The following KLHL7 variants were observed in gnomAD, a reference collection of about 807,000 sequenced individuals.
The protein encoded by KLHL7 is kelch-like protein 7.
Under a neutral mutation model 67.4 loss-of-function variants are expected in KLHL7, and 44 were observed. The ratio of observed to expected loss-of-function variants is 0.65; its 90% CI spans 0.51 to 0.84. The LOEUF is 0.84. Ranked by LOEUF, KLHL7 falls within the 40% of genes least tolerant of loss-of-function variation. The probability of loss-of-function intolerance (pLI) is 0.00; values close to 1 mark genes in which losing one functional copy is unlikely to be tolerated. For missense variants in KLHL7, 362 were observed against 718.1 expected, an observed-to-expected ratio of 0.50 and a Z score of 5.67; for synonymous variants, 252 against 243.3, an observed-to-expected ratio of 1.04 and a Z score of -0.33.
chr7:23,108,432 T>A lies in KLHL7; in HGVS notation c.120+2286T>A, dbSNP rs549075549. 3.3e-5 allele frequency among the ~76,000 whole-genome samples: 5 copies of A among 152,300 alleles called. No homozygotes were observed. In the East Asian group the frequency reaches 9.7e-4, roughly 29 times the overall value. ...TTTCTAAGTAAACTCTCCAGTGAAGTATGGGATACATATAAGAGGGCACAA... is the reference window on the plus strand; with the variant it reads ...TTTCTAAGTAAACTCTCCAGTGAAGAATGGGATACATATAAGAGGGCACAA... On this transcript the variant is annotated intron_variant, in intron 1 of 10. Coordinates refer to ENST00000339077, the MANE Select transcript of KLHL7 (RefSeq NM_001031710.3).
chr7:23,152,777 A>T (rs890884700), intron 7 of KLHL7, among the ~76,000 whole-genome samples: 1 of 152,116 alleles, frequency 6.6e-6, no homozygotes, highest in Non-Finnish European at 1.5e-5. Context: ...TTTTTAATAG[A>T]TCATTACTTA....
At chr7:23,147,287 G>A (rs559860204) in intron 6 of KLHL7, among the ~76,000 whole-genome samples, 6 of 151,872 alleles carry the variant, frequency 4.0e-5, no homozygotes, top group African/African-American at 9.7e-5. Context: ...ACAGGGTTTC[G>A]CCATGTTGGT....
chr7:23,173,998 G>A lies in KLHL7; in HGVS notation c.1478-17G>A, dbSNP rs1453603776. The A allele has an allele frequency of 3.1e-6, 5 of 1,612,022 alleles. No homozygotes were observed. In the Admixed American group the frequency reaches 5.0e-5, roughly 16 times the overall value. On this transcript the variant is annotated splice_polypyrimidine_tract_variant and intron_variant, in intron 10 of 10. Transcript: ENST00000339077. ...TGATATAGTTTTTCATGTTGTTCAT[G>A]TTTTATTCTTTTGAAGGTGGTCTGG...
intron 4 of KLHL7, among the ~76,000 whole-genome samples, chr7:23,136,599 C>T (rs564600565): frequency 1.3e-5 from 2 of 152,316 alleles, no homozygotes; most frequent in South Asian, 4.1e-4. Context: ...TACTGATCAT[C>T]AGCCACAGAA....
intron 6 of KLHL7, among the ~76,000 whole-genome samples, chr7:23,145,564 G>A (rs991094544): frequency 6.6e-6 from 1 of 152,028 alleles, no homozygotes; most frequent in Non-Finnish European, 1.5e-5. Context: ...TCAGTTCTTG[G>A]GCTAAACTGT....
chr7:23,118,437 G>A (rs6962231), intron 1 of KLHL7, among the ~76,000 whole-genome samples: 3,988 of 152,182 alleles, frequency 0.026, 92 homozygotes, highest in Non-Finnish European at 0.041. Flanking sequence ...TGATGAGCAG[G>A]AACAGTCCTC....
intron 1 of KLHL7, among the ~76,000 whole-genome samples, chr7:23,108,426 G>C (rs1437244163): frequency 6.6e-6 from 1 of 152,096 alleles, no homozygotes; most frequent in East Asian, 1.9e-4. Flanking sequence ...AAACTCTCCA[G>C]TGAAGTATGG....
At chr7:23,158,288 T>C (rs2128468193) in intron 7 of KLHL7, among the ~76,000 whole-genome samples, 1 of 152,214 alleles carries the variant, frequency 6.6e-6, no homozygotes, top group East Asian at 1.9e-4. Context: ...TTTAAGGGAC[T>C]CTAGCCTTTG....
chr7:23,119,278 C>T (rs1307910741), intron 1 of KLHL7, among the ~76,000 whole-genome samples: 1 of 152,096 alleles, frequency 6.6e-6, no homozygotes, highest in African/African-American at 2.4e-5. Flanking sequence ...GATCTCTGCT[C>T]ACTGCAGCCT....
chr7:23,136,489 T>G (rs1388329420), intron 4 of KLHL7, among the ~76,000 whole-genome samples: 1 of 152,164 alleles, frequency 6.6e-6, no homozygotes, highest in Non-Finnish European at 1.5e-5. Flanking sequence ...AAAGAAGGAT[T>G]TGAATAACAC....
intron 1 of KLHL7, chr7:23,117,697 G>T (rs1440990862): frequency 1.2e-6 from 1 of 805,666 alleles, no homozygotes; most frequent in Non-Finnish European, 1.9e-6. Context: ...TCTGACAAAT[G>T]TGATTTCTAG....
intron 4 of KLHL7, among the ~76,000 whole-genome samples, chr7:23,139,136 T>C (rs1370277093): frequency 6.8e-6 from 1 of 148,060 alleles, no homozygotes; most frequent in Admixed American, 6.7e-5. Context: ...ATGGGGATAG[T>C]GGGAAAGGTT....
chr7:23,123,607 G>A lies in KLHL7; in HGVS notation c.121-170G>A, dbSNP rs139295658. Among the ~76,000 whole-genome samples the A allele has an allele frequency of 2.1e-3, 318 of 152,238 alleles. 1 individual carries two copies. The highest frequency in any genetic ancestry group is 6.5e-3 in the African/African-American group (271 of 41,538). On this transcript the variant is annotated intron_variant, in intron 1 of 10. Transcript: ENST00000339077. ...CAAAATTTTTATACTACATGGCAGCGACTCTGTAAGTCCTTTCTAAATATG... is the reference window on the plus strand; with the variant it reads ...CAAAATTTTTATACTACATGGCAGCAACTCTGTAAGTCCTTTCTAAATATG...
At chr7:23,134,038 G>A (rs1389797684) in intron 4 of KLHL7, among the ~76,000 whole-genome samples, 1 of 152,136 alleles carries the variant, frequency 6.6e-6, no homozygotes, top group Admixed American at 6.5e-5. Flanking sequence ...AGATCTTAGA[G>A]GACAGGCTTT....
intron 6 of KLHL7, among the ~76,000 whole-genome samples, chr7:23,144,342 C>T (rs1784287188): frequency 1.3e-5 from 2 of 152,160 alleles, no homozygotes; most frequent in South Asian, 4.1e-4. Context: ...GTACTGTGAT[C>T]ACATTTTCTT....
chr7:23,113,356 G>T (rs78633270), intron 1 of KLHL7, among the ~76,000 whole-genome samples: 1 of 152,114 alleles, frequency 6.6e-6, no homozygotes, highest in African/African-American at 2.4e-5. Context: ...AAAATGAGGA[G>T]GCTAATATAG....
chr7:23,146,113 C>T (rs1258756475), intron 6 of KLHL7, among the ~76,000 whole-genome samples: 1 of 152,180 alleles, frequency 6.6e-6, no homozygotes, highest in Non-Finnish European at 1.5e-5. Flanking sequence ...TTTCCAAAGA[C>T]GAATCCTGTC....
chr7:23,126,202 G>A (rs1426934049), intron 4 of KLHL7, among the ~76,000 whole-genome samples: 2 of 152,184 alleles, frequency 1.3e-5, no homozygotes, highest in Non-Finnish European at 2.9e-5. Flanking sequence ...GGATATGCTG[G>A]TCAAAGGGAT....
At chr7:23,154,271 C>G (rs1830275) in intron 7 of KLHL7, among the ~76,000 whole-genome samples, 6 of 152,116 alleles carry the variant, frequency 3.9e-5, no homozygotes, top group South Asian at 2.1e-4. Flanking sequence ...AGGAGAATCA[C>G]TTGAACCCAG....
Sources: allele counts gnomAD v4.1 joint callset (sites outside exome capture counted in the v4.1 genomes callset), GRCh38; gene constraint gnomAD v4.1.1; transcripts MANE v1.5; gene names NCBI Gene and HGNC (gene_info 2026-07-23, HGNC 2026-07-21).